ZNF628: variants seen among roughly 807,000 people sequenced by gnomAD.
The protein encoded by ZNF628 is zinc finger protein 628.
A neutral mutation model predicts 2.5 loss-of-function variants in ZNF628; 3 were observed. The observed-to-expected ratio is 1.19, with a 90% CI of 0.54 to 3.07. The LOEUF is 3.07. Among genes scored for constraint, ZNF628 ranks in the 30% most tolerant of loss-of-function variants. ZNF628 has a pLI of 0.03. For missense variants in ZNF628, 1,610 were observed against 1,517.1 expected (o/e 1.06, Z -1.02); for synonymous variants, 861 against 717.1 (o/e 1.20, Z -3.21).
rs1986552271 is a variant in ZNF628, at chr19:55,476,719, CA to C, written c.-165del. 6.6e-6 allele frequency: 1 copy of C among 151,972 alleles called. No homozygotes were observed. The highest frequency in any genetic ancestry group is 6.5e-5 in the Admixed American group (1 of 15,278). The allele number at this position is 151,972 out of a possible 1,614,324, so 9.4% of individuals were successfully genotyped here. On this transcript the variant is annotated 5_prime_UTR_variant, in exon 1 of 3. Transcript: ENST00000598519. ...CCCCCCTCCCCGGTCCCCACAGCTG[CA>C]CCGCCGCTGCCGGGGCCCCACCTTC...
rs1281121554 is a variant in ZNF628, at chr19:55,482,517, C to T, written c.1324C>T (p.Pro442Ser). The T allele has an allele frequency of 4.1e-6, 6 of 1,474,048 alleles. No homozygotes were observed. Among genetic ancestry groups the T allele is most frequent in the Non-Finnish European group, 5.4e-6 (6 of 1,111,992 alleles). The allele number at this position is 1,474,048 out of a possible 1,614,324, so 91.3% of individuals were successfully genotyped here. A position where few individuals can be genotyped will look rare whatever the true frequency, so the allele number is the denominator to read the frequency against. Residue 442 changes from proline to serine, a missense_variant, in exon 3 of 3, where the codon CCA (proline) becomes TCA (serine). Physicochemically the swap from Pro to Ser is moderately conservative, Grantham distance 74. Around this residue, in one of 5 missense-constraint regions of ZNF628, gnomAD observed 651 missense variants for 575.6 expected, o/e 1.13. Coordinates refer to ENST00000598519, the MANE Select transcript of ZNF628 (RefSeq NM_033113.3). ...PLAPAAPVPP[P>S]PPSAPASAER... ...GGCGCCTGCCGCCCCCGTCCCGCCG[C>T]CACCCCCGTCCGCCCCCGCTTCTGC...
At position 55,482,532 on chromosome 19, in the gene ZNF628, C is replaced by T; in HGVS notation, c.1339C>T (p.Pro447Ser). 6.5e-7 allele frequency: 1 copy of T among 1,541,766 alleles called. No homozygotes were observed. Among genetic ancestry groups the T allele is most frequent in the Non-Finnish European group, 8.7e-7 (1 of 1,151,120 alleles). Residue 447 changes from proline to serine, a missense_variant, in exon 3 of 3, where the codon CCC becomes TCC. Transcript: ENST00000598519. The part of the protein sequence containing the change: ...APVPPPPPSA[P>S]ASAERPYKCA... ...CGTCCCGCCGCCACCCCCGTCCGCC[C>T]CCGCTTCTGCGGAGCGGCCCTACAA...
At chr19:55,478,252 C>CG (rs942985722) in intron 1 of ZNF628, among the ~76,000 whole-genome samples, 1 of 151,858 alleles carries the variant, frequency 6.6e-6, no homozygotes, top group African/African-American at 2.4e-5. Flanking sequence ...ATAATTGCTG[C>CG]GGGGGAAAAA....
chr19:55,478,322 G>C (rs1388490607), intron 1 of ZNF628, among the ~76,000 whole-genome samples: 1 of 152,184 alleles, frequency 6.6e-6, no homozygotes, highest in Non-Finnish European at 1.5e-5. Context: ...AGGGCTGTCA[G>C]GGAAGCTCTT....
intron 1 of ZNF628, among the ~76,000 whole-genome samples, chr19:55,477,614 T>C (rs2123406972): frequency 6.6e-6 from 1 of 152,002 alleles, no homozygotes; most frequent in South Asian, 2.1e-4. Flanking sequence ...ATACAAAAAT[T>C]AGCCGGGCGC....
Position 55,484,449 on chromosome 19 carries a change from C to A in ZNF628, c.*76C>A. The A allele has an allele frequency of 7.6e-7, 1 of 1,307,416 alleles. No individual in the cohort carries two copies. The highest frequency in any genetic ancestry group is 1.0e-6 in the Non-Finnish European group (1 of 987,208). 81.0% of individuals were successfully genotyped at this position (1,307,416 alleles called of 1,614,324 possible). On this transcript the variant is annotated 3_prime_UTR_variant, in exon 3 of 3. Coordinates refer to ENST00000598519, the MANE Select transcript of ZNF628 (RefSeq NM_033113.3). Reference sequence around the variant, plus strand: ...CCAGCCGGGGCGGGGCAGGGTGCCGCAGGCTGGGCTTGCTAATAAAGACCC... The same window carrying A: ...CCAGCCGGGGCGGGGCAGGGTGCCGAAGGCTGGGCTTGCTAATAAAGACCC...
chr19:55,483,140 G>A lies in ZNF628; in HGVS notation c.1947G>A (p.Thr649=). ...RHLRTHAPAN[T]PPSTTAPAAG... Reference sequence around the variant, plus strand: ...TGAGGACGCACGCCCCGGCCAACACGCCTCCCAGCACCACAGCCCCTGCCG... The same window carrying A: ...TGAGGACGCACGCCCCGGCCAACACACCTCCCAGCACCACAGCCCCTGCCG... The change falls in exon 3 of 3, where the codon ACG becomes ACA. Residue 649 remains threonine (T), a synonymous_variant. Coordinates refer to ENST00000598519, the MANE Select transcript of ZNF628 (RefSeq NM_033113.3). 1 of 1,581,416 alleles carries A rather than the reference G, an allele frequency of 6.3e-7. No homozygotes were observed. Among genetic ancestry groups the A allele is most frequent in the Non-Finnish European group, 8.5e-7 (1 of 1,170,378 alleles).
In ZNF628 at chr19:55,476,696, C is replaced by G. The variant is rs949638811; in HGVS notation, c.-189C>G. 6.6e-6 allele frequency: 1 copy of G among 152,192 alleles called. No individual in the cohort carries two copies. The highest frequency in any genetic ancestry group is 2.4e-5 in the African/African-American group (1 of 41,544). The allele number at this position is 152,192 out of a possible 1,614,324, so 9.4% of individuals were successfully genotyped here. Reference sequence around the variant, plus strand: ...GTTGGGAGGGAGTGCGCCCCTGCCCCCCCTCCCCGGTCCCCACAGCTGCAC... The same window carrying G: ...GTTGGGAGGGAGTGCGCCCCTGCCCGCCCTCCCCGGTCCCCACAGCTGCAC... On this transcript the variant is annotated 5_prime_UTR_variant, in exon 1 of 3. Transcript: ENST00000598519.
Position 55,477,685 on chromosome 19 carries a change from C to T in ZNF628, c.-78+878C>T, listed in dbSNP as rs1403979838. ...GCTGAGGCAGGAGAATCGCTTGAAG[C>T]CGGGAGGCGAAGGTTGCAGTGAGCC... On this transcript the variant is annotated intron_variant, in intron 1 of 2. Transcript: ENST00000598519. Among the ~76,000 whole-genome samples the T allele has an allele frequency of 2.0e-5, 3 of 151,614 alleles. No individual in the cohort carries two copies. The East Asian group carries it at 5.9e-4, about 30-fold the overall frequency.
rs1224548624 is a variant in ZNF628 at position 55,484,412 on chromosome 19, C to T, written c.*39C>T. 2.1e-6 allele frequency: 3 copies of T among 1,416,280 alleles called. No individual in the cohort carries two copies. The highest frequency in any genetic ancestry group is 2.8e-6 in the Non-Finnish European group (3 of 1,080,008). 87.7% of individuals were successfully genotyped at this position (1,416,280 alleles called of 1,614,324 possible). ...TTCCCCTCCCGCCCCGCACAGAGACCCCGACTCACTGCCAGCCGGGGCGGG... is the reference window on the plus strand; with the variant it reads ...TTCCCCTCCCGCCCCGCACAGAGACTCCGACTCACTGCCAGCCGGGGCGGG... On this transcript the variant is annotated 3_prime_UTR_variant, in exon 3 of 3. Transcript: ENST00000598519.
chr19:55,482,017 C>A lies in ZNF628; in HGVS notation c.824C>A (p.Pro275His). 6.8e-7 allele frequency: 1 copy of A among 1,477,750 alleles called. No homozygotes were observed. The highest frequency in any genetic ancestry group is 8.9e-7 in the Non-Finnish European group (1 of 1,118,182). 91.5% of individuals were successfully genotyped at this position (1,477,750 alleles called of 1,614,324 possible). A position where few individuals can be genotyped will look rare whatever the true frequency, so the allele number is the denominator to read the frequency against. Reference protein sequence around the residue: ...PPAPPAPPPPPPPVVPELFLA... With the variant: ...PPAPPAPPPPHPPVVPELFLA... ...GCGCCTCCCGCCCCGCCGCCCCCGC[C>A]CCCGCCCGTGGTGCCTGAGCTCTTT... Residue 275 changes from proline (P) to histidine (H), a missense_variant, in exon 3 of 3, where the codon CCC (proline) becomes CAC (histidine). By Grantham distance (77) the Pro-to-His change is moderately conservative. This residue lies in a region of ZNF628 where 651 missense variants were observed against 575.6 expected (regional missense o/e 1.13). Transcript: ENST00000598519.
rs1223455219 is a variant in ZNF628, at chr19:55,482,951, C to T, written c.1758C>T (p.Arg586=). 2.5e-6 allele frequency: 4 copies of T among 1,608,756 alleles called. No homozygotes were observed. Among genetic ancestry groups the T allele is most frequent in the Non-Finnish European group, 2.5e-6 (3 of 1,178,754 alleles). Residue 586 remains arginine, a synonymous_variant, in exon 3 of 3, where the codon CGC becomes CGT. Coordinates refer to ENST00000598519, the MANE Select transcript of ZNF628 (RefSeq NM_033113.3). The part of the protein sequence containing the change: ...AQTSNLRQHQ[R]VHTGERPFRC... The stretch of plus-strand genomic sequence containing the variant: ...CCTCCAACCTGCGGCAGCACCAGCG[C>T]GTGCACACGGGCGAGCGGCCCTTCC...
In ZNF628 at chr19:55,482,014, C is replaced by G. The variant is rs767608361; in HGVS notation, c.821C>G (p.Pro274Arg). 6.1e-6 allele frequency: 9 copies of G among 1,476,650 alleles called. No homozygotes were observed. The South Asian group carries it at 1.1e-4, about 18-fold the overall frequency. 91.5% of individuals were successfully genotyped at this position (1,476,650 alleles called of 1,614,324 possible). A position where few individuals can be genotyped will look rare whatever the true frequency, so the allele number is the denominator to read the frequency against. The change falls in exon 3 of 3, where the codon CCG (proline) becomes CGG (arginine). Residue 274 changes from proline (P) to arginine (R), a missense_variant. Physicochemically the swap from Pro to Arg is moderately radical, Grantham distance 103 (BLOSUM62 -2). Around this residue, in one of 5 missense-constraint regions of ZNF628, gnomAD observed 651 missense variants for 575.6 expected, o/e 1.13. Coordinates refer to ENST00000598519, the MANE Select transcript of ZNF628 (RefSeq NM_033113.3). ...SPPAPPAPPP[P>R]PPPVVPELFL... Reference sequence around the variant, plus strand: ...CCCGCGCCTCCCGCCCCGCCGCCCCCGCCCCCGCCCGTGGTGCCTGAGCTC... The same window carrying G: ...CCCGCGCCTCCCGCCCCGCCGCCCCGGCCCCCGCCCGTGGTGCCTGAGCTC...
chr19:55,482,284 C>G lies in ZNF628; in HGVS notation c.1091C>G (p.Ser364Cys). Residue 364 changes from serine (S) to cysteine (C), a missense_variant, in exon 3 of 3, where the codon TCC (serine) becomes TGC (cysteine). Around this residue, in one of 5 missense-constraint regions of ZNF628, gnomAD observed 651 missense variants for 575.6 expected, o/e 1.13. Transcript: ENST00000598519. The stretch of plus-strand genomic sequence containing the variant: ...TTTGCCTGTCTGCCCTGCGGCAAGT[C>G]CTTCCGGACGGTGGCTGGGCTCTCC... ...PGFACLPCGK[S>C]FRTVAGLSRH... 6.8e-7 allele frequency: 1 copy of G among 1,471,288 alleles called. No homozygotes were observed. Among genetic ancestry groups the G allele is most frequent in the Non-Finnish European group, 8.9e-7 (1 of 1,117,686 alleles). 91.1% of individuals were successfully genotyped at this position (1,471,288 alleles called of 1,614,324 possible).
In ZNF628 at chr19:55,482,115, G is replaced by A; in HGVS notation, c.922G>A (p.Glu308Lys). 8 of 1,509,084 alleles carry A rather than the reference G, an allele frequency of 5.3e-6. No homozygotes were observed. Among genetic ancestry groups the A allele is most frequent in the Non-Finnish European group, 7.1e-6 (8 of 1,131,064 alleles). The allele number at this position is 1,509,084 out of a possible 1,614,324, so 93.5% of individuals were successfully genotyped here. A position where few individuals can be genotyped will look rare whatever the true frequency, so the allele number is the denominator to read the frequency against. Reference protein sequence around the residue: ...DGCEQGFSSEELLLEHQPCPG... With the variant: ...DGCEQGFSSEKLLLEHQPCPG... ...CTGCGAGCAGGGATTCAGCAGCGAG[G>A]AGCTGCTCCTGGAGCACCAGCCGTG... Residue 308 changes from glutamate (E) to lysine (K), a missense_variant, in exon 3 of 3, where the codon GAG becomes AAG. Around this residue, in one of 5 missense-constraint regions of ZNF628, gnomAD observed 651 missense variants for 575.6 expected, o/e 1.13. Coordinates refer to ENST00000598519, the MANE Select transcript of ZNF628 (RefSeq NM_033113.3).
Position 55,483,753 on chromosome 19 carries a change from G to A in ZNF628, c.2560G>A (p.Val854Ile), listed in dbSNP as rs1001275739. The A allele has an allele frequency of 5.0e-6, 8 of 1,613,338 alleles. No individual in the cohort carries two copies. The Admixed American group carries it at 6.7e-5, about 13-fold the overall frequency. The part of the protein sequence containing the change: ...QLQPAQEVTT[V>I]QLQPAQEVTT... Reference sequence around the variant, plus strand: ...CCAGCCAGCACAGGAAGTAACCACGGTCCAGCTCCAGCCAGCACAGGAGGT... The same window carrying A: ...CCAGCCAGCACAGGAAGTAACCACGATCCAGCTCCAGCCAGCACAGGAGGT... The change falls in exon 3 of 3, where the codon GTC becomes ATC. Residue 854 changes from valine to isoleucine, a missense_variant. Transcript: ENST00000598519.
intron 2 of ZNF628, among the ~76,000 whole-genome samples, chr19:55,480,588 T>G (rs1380869416): frequency 1.3e-5 from 2 of 152,078 alleles, no homozygotes; most frequent in African/African-American, 2.4e-5. Flanking sequence ...GCCGGGCTAA[T>G]TTTTGTATTT....
Position 55,484,318 on chromosome 19 carries a change from C to T in ZNF628, c.3125C>T (p.Pro1042Leu). ...GGTGTTATGACCCCTCAGGGCCTGC[C>T]CTCCATCCAGATTGTCCAGACTCTA... ...GPGVMTPQGL[P>L]SIQIVQTLPA... The change falls in exon 3 of 3, where the codon CCC (proline) becomes CTC (leucine). Residue 1042 changes from proline to leucine, a missense_variant. By Grantham distance (98) the Pro-to-Leu change is moderately conservative. Coordinates refer to ENST00000598519, the MANE Select transcript of ZNF628 (RefSeq NM_033113.3). The T allele has an allele frequency of 6.7e-7, 1 of 1,491,862 alleles. No homozygotes were observed. The highest frequency in any genetic ancestry group is 8.9e-7 in the Non-Finnish European group (1 of 1,119,618). The allele number at this position is 1,491,862 out of a possible 1,614,324, so 92.4% of individuals were successfully genotyped here.
Position 55,483,807 on chromosome 19 carries a change from G to A in ZNF628, c.2614G>A (p.Gly872Ser), listed in dbSNP as rs1177552983. ...VTTVQLQPVA[G>S]QLSNSSGGAV... ...CACGGTCCAGCTCCAGCCCGTGGCC[G>A]GCCAGCTCTCCAATTCCAGTGGGGG... The change falls in exon 3 of 3, where the codon GGC (glycine) becomes AGC (serine). Residue 872 changes from glycine (G) to serine (S), a missense_variant. By Grantham distance (56) the Gly-to-Ser change is moderately conservative. Around this residue, in one of 5 missense-constraint regions of ZNF628, gnomAD observed 712 missense variants for 603.6 expected, o/e 1.18. Transcript: ENST00000598519. The A allele has an allele frequency of 1.2e-6, 2 of 1,613,612 alleles. No homozygotes were observed. The highest frequency in any genetic ancestry group is 1.1e-5 in the South Asian group (1 of 91,082).
Sources: gnomAD v4.1 joint callset for allele counts (sites outside exome capture counted in the v4.1 genomes callset) on GRCh38, gnomAD v4.1.1 for gene constraint, gnomAD v4.1.1 regional missense constraint, MANE v1.5 for transcripts, NCBI Gene and HGNC (gene_info 2026-07-23, HGNC 2026-07-21) for gene names.